MYO18A: variants seen among roughly 807,000 people sequenced by gnomAD.
MYO18A encodes unconventional myosin-XVIIIa.
MYO18A carries 78 observed loss-of-function variants against 235.8 expected under a neutral mutation model. That is an observed-to-expected ratio of 0.33 (90% confidence interval 0.28 to 0.40). The LOEUF (loss-of-function observed/expected upper bound fraction) is 0.40. Ranked by LOEUF, MYO18A falls within the 10% of genes least tolerant of loss-of-function variation. MYO18A has a pLI of 1.00. For missense variants in MYO18A, 2,215 were observed against 2,699.3 expected, an observed-to-expected ratio of 0.82 and a Z score of 3.98; for synonymous variants, 977 against 1,077.8, an observed-to-expected ratio of 0.91 and a Z score of 1.83.
At position 29,113,967 on chromosome 17, in the gene MYO18A, G is replaced by T. The variant is rs144671284; in HGVS notation, c.2598+44C>A. ...GCTCCACCACGGGGAGAGGGGTGGG[G>T]AACGAGAGGAAAGGCTTGCCCAAAC... On this transcript the variant is annotated intron_variant, in intron 15 of 41. Transcript: ENST00000527372. 5.3e-5 allele frequency: 77 copies of T among 1,464,490 alleles called. No homozygotes were observed. In the African/African-American group the frequency reaches 1.1e-3, roughly 20 times the overall value. The allele number at this position is 1,464,490 out of a possible 1,614,324, so 90.7% of individuals were successfully genotyped here. A position where few individuals can be genotyped will look rare whatever the true frequency, so the allele number is the denominator to read the frequency against.
chr17:29,080,833 C>T, intron 41 of MYO18A: 6 of 985,264 alleles, frequency 6.1e-6, no homozygotes, highest in Non-Finnish European at 7.2e-6. Context: ...ATGGGCCTTC[C>T]TAGGGGGCCT....
chr17:29,090,873 C>T lies in MYO18A; in HGVS notation c.5241G>A (p.Arg1747=), dbSNP rs761322676. 6 of 1,614,056 alleles carry T rather than the reference C, an allele frequency of 3.7e-6. No individual in the cohort carries two copies. The change falls in exon 35 of 42, where the codon CGG becomes CGA. Residue 1747 remains arginine (R), a synonymous_variant. Coordinates refer to ENST00000527372, the MANE Select transcript of MYO18A (RefSeq NM_078471.4). ...TCATGTCTTCCTGATCTTCCTCCAG[C>T]CGGTTCTGGATCTCATTCTTCTCAC... ...LQREKNEIQN[R]LEEDQEDMNE...
chr17:29,122,762 G>A (rs1221523250), intron 2 of MYO18A, among the ~76,000 whole-genome samples: 1 of 152,236 alleles, frequency 6.6e-6, no homozygotes, highest in African/African-American at 2.4e-5. Context: ...TCAGCGGGGA[G>A]TCGCCTGGAC....
chr17:29,163,460 G>A (rs2152972054), intron 2 of MYO18A, among the ~76,000 whole-genome samples: 1 of 152,324 alleles, frequency 6.6e-6, no homozygotes, highest in South Asian at 2.1e-4. Context: ...TGGGGATGGG[G>A]TTTGCTACTG....
At chr17:29,107,839 T>G (rs2066829863) in intron 19 of MYO18A, among the ~76,000 whole-genome samples, 1 of 146,200 alleles carries the variant, frequency 6.8e-6, no homozygotes, top group Admixed American at 7.1e-5. Flanking sequence ...TCGCTTGAAC[T>G]CAGGAGGCAG....
In MYO18A at chr17:29,115,414, A is replaced by C. The variant is rs755615446; in HGVS notation, c.2255T>G (p.Leu752Arg). ...GTAGAGGCCGGCCGCCATGCCCTCA[A>C]GGCACTCCAGTGCACTCAGTTTCGG... is the stretch of plus-strand genomic sequence containing the variant. The part of the protein sequence containing the change: ...TGPKLSALEC[L>R]EGMAAGLYSE... The change falls in exon 13 of 42, where the codon CTT becomes CGT. Residue 752 changes from leucine (L) to arginine (R), a missense_variant. Coordinates refer to ENST00000527372, the MANE Select transcript of MYO18A (RefSeq NM_078471.4). 15 of 1,613,806 alleles carry C rather than the reference A, an allele frequency of 9.3e-6. No homozygotes were observed. The highest frequency in any genetic ancestry group is 1.3e-5 in the African/African-American group (1 of 74,938).
Position 29,109,742 on chromosome 17 carries a change from G to C in MYO18A, c.3331+116C>G, listed in dbSNP as rs373643120. On this transcript the variant is annotated intron_variant, in intron 19 of 41. Coordinates refer to ENST00000527372, the MANE Select transcript of MYO18A (RefSeq NM_078471.4). This position sits in a 1 kb window ranked among gnomAD's most constrained non-coding sequence, Gnocchi z 4.1. ...AGGAGAGACCAGAGCAGAAAGGATCGTGAGGAAAGACAGGAGCAGCCCCAC... is the reference window on the plus strand; with the variant it reads ...AGGAGAGACCAGAGCAGAAAGGATCCTGAGGAAAGACAGGAGCAGCCCCAC... The C allele has an allele frequency of 7.7e-6, 10 of 1,305,990 alleles. No homozygotes were observed. In the African/African-American group the frequency reaches 1.3e-4, roughly 17 times the overall value. The allele number at this position is 1,305,990 out of a possible 1,614,324, so 80.9% of individuals were successfully genotyped here.
chr17:29,074,366 T>G lies in MYO18A; in HGVS notation c.*404A>C, dbSNP rs554338645. The G allele has an allele frequency of 4.5e-4, 308 of 679,996 alleles. 1 individual carries two copies. In the African/African-American group the frequency reaches 5.4e-3, roughly 12 times the overall value. The allele number at this position is 679,996 out of a possible 1,614,324, so 42.1% of individuals were successfully genotyped here. On this transcript the variant is annotated 3_prime_UTR_variant, in exon 42 of 42. Coordinates refer to ENST00000527372, the MANE Select transcript of MYO18A (RefSeq NM_078471.4). This position sits in a 1 kb window ranked among gnomAD's most constrained non-coding sequence, Gnocchi z 4.4. ...ACGAGAGGGAAGGCACTGCTTCTCC[T>G]CCCCCAATCCTCCCCATGGACCCAG...
intron 24 of MYO18A, 55 bp from the exon 25 acceptor site, chr17:29,098,279 A>AGGGGG: frequency 6.2e-7 from 1 of 1,612,606 alleles, no homozygotes; most frequent in South Asian, 1.1e-5. Context: ...TCACTCAGCC[A>AGGGGG]GAACACCTGG....
intron 19 of MYO18A, among the ~76,000 whole-genome samples, chr17:29,108,644 C>G (rs2066851701): frequency 6.6e-6 from 1 of 152,198 alleles, no homozygotes; most frequent in East Asian, 1.9e-4. Context: ...GGGAAACCCT[C>G]CAGCTGGGAG....
chr17:29,132,426 G>A (rs144890959), intron 2 of MYO18A, among the ~76,000 whole-genome samples: 7 of 152,204 alleles, frequency 4.6e-5, no homozygotes, highest in East Asian at 1.9e-4. Context: ...TCTTTCCCGC[G>A]TCACCTAGGA....
At chr17:29,175,348 TCTA>T (rs1319234964) in intron 1 of MYO18A, among the ~76,000 whole-genome samples, 1 of 151,816 alleles carries the variant, frequency 6.6e-6, no homozygotes, top group Non-Finnish European at 1.5e-5. Context: ...TCATTTTTCT[TCTA>T]CTTTTATTTC....
chr17:29,119,499 C>G, intron 7 of MYO18A, 64 bp from the exon 8 acceptor site: 1 of 1,226,234 alleles, frequency 8.2e-7, no homozygotes, highest in Admixed American at 2.2e-5. Context: ...TCCCACCCCA[C>G]ATAAGAAGGA....
At chr17:29,101,970 G>A (rs2066663467) in intron 21 of MYO18A, among the ~76,000 whole-genome samples, 1 of 152,050 alleles carries the variant, frequency 6.6e-6, no homozygotes, top group Non-Finnish European at 1.5e-5. Flanking sequence ...AAACTCTCAG[G>A]GTCCCATGGC....
intron 21 of MYO18A, among the ~76,000 whole-genome samples, chr17:29,103,074 G>GCT (rs1313948423): frequency 6.6e-6 from 1 of 152,266 alleles, no homozygotes; most frequent in African/African-American, 2.4e-5. Flanking sequence ...CCAGGGGCCA[G>GCT]CGTGCCTGCA....
rs1267328194 is a variant in MYO18A at position 29,092,437 on chromosome 17, G to A, written c.5093C>T (p.Thr1698Ile). The A allele has an allele frequency of 1.2e-6, 2 of 1,611,918 alleles. No individual in the cohort carries two copies. Among genetic ancestry groups the A allele is most frequent in the South Asian group, 2.2e-5 (2 of 90,974 alleles). Residue 1698 changes from threonine (T) to isoleucine (I), a missense_variant, in exon 34 of 42, where the codon ACC becomes ATC. By Grantham distance (89) the Thr-to-Ile change is moderately conservative. Coordinates refer to ENST00000527372, the MANE Select transcript of MYO18A (RefSeq NM_078471.4). ...CCGTGCTTTCACGGCTGCCGCACAG[G>A]TGAACTCTGACTCCTCCAGCTGGAC... ...LKNQLEESEFTCAAAVKARKA... is the reference protein window; with the variant it reads ...LKNQLEESEFICAAAVKARKA...
intron 2 of MYO18A, among the ~76,000 whole-genome samples, chr17:29,161,467 C>G (rs1160363269): frequency 1.3e-5 from 2 of 151,464 alleles, no homozygotes; most frequent in Admixed American, 6.6e-5. Flanking sequence ...CCAAGATCGC[C>G]CCACTGCACT....
intron 2 of MYO18A, among the ~76,000 whole-genome samples, chr17:29,157,528 G>A (rs1000871944): frequency 6.6e-6 from 1 of 152,220 alleles, no homozygotes; most frequent in African/African-American, 2.4e-5. Flanking sequence ...CTGATGGCCT[G>A]AGTTCAAGTC....
intron 2 of MYO18A, chr17:29,133,625 G>C (rs2067525994): frequency 2.4e-6 from 1 of 415,620 alleles, no homozygotes; most frequent in African/African-American, 2.1e-5. Flanking sequence ...CATCCAGCCA[G>C]AATAGGGAGT....
Sources: allele counts gnomAD v4.1 joint callset (sites outside exome capture counted in the v4.1 genomes callset), GRCh38; gene constraint gnomAD v4.1.1; non-coding constraint Gnocchi (gnomAD v3.1); transcripts MANE v1.5; gene names NCBI Gene and HGNC (gene_info 2026-07-23, HGNC 2026-07-21).